GPHN: variants seen among roughly 807,000 people sequenced by gnomAD.
The protein encoded by GPHN is gephyrin.
In GPHN, 17 loss-of-function variants were observed where a neutral mutation model predicts 95.5. The observed-to-expected ratio is 0.18, with a 90% CI of 0.12 to 0.27. The LOEUF (loss-of-function observed/expected upper bound fraction) is 0.27, where lower values mean the gene tolerates loss of function less well. GPHN is among the 10% of genes least tolerant of loss of function. The pLI is 1.00. For missense variants in GPHN, 660 were observed against 978.1 expected (o/e 0.67, Z 4.34); for synonymous variants, 320 against 322.5 (o/e 0.99, Z 0.08).
intron 19 of GPHN, among the ~76,000 whole-genome samples, chr14:67,161,533 G>T (rs2081981495): frequency 6.6e-6 from 1 of 152,020 alleles, no homozygotes; most frequent in African/African-American, 2.4e-5. Flanking sequence ...AGGCCGTGGG[G>T]GTGGTTCGCT....
chr14:67,728,418 A>G, the GPHN span, among the ~76,000 whole-genome samples: 1 of 152,186 alleles, frequency 6.6e-6, no homozygotes, highest in Non-Finnish European at 1.5e-5. Flanking sequence ...TGCCCAAGGA[A>G]GGTTCCTAGC....
the GPHN span, among the ~76,000 whole-genome samples, chr14:67,243,668 T>G: frequency 5.6e-3 from 817 of 146,466 alleles, 8 homozygotes; most frequent in African/African-American, 0.018. Context: ...ATTTTTTGTA[T>G]TTTTTTTTTA....
chr14:67,098,340 G>A (rs963003181), intron 12 of GPHN, among the ~76,000 whole-genome samples: 1 of 152,100 alleles, frequency 6.6e-6, no homozygotes, highest in African/African-American at 2.4e-5. Flanking sequence ...AGCTTCAAAG[G>A]TATTGTTTTA....
the GPHN span, among the ~76,000 whole-genome samples, chr14:67,245,950 T>C: frequency 6.6e-6 from 1 of 152,054 alleles, no homozygotes; most frequent in South Asian, 2.1e-4. Flanking sequence ...ATGAGAGAAG[T>C]ACAAGTTGTT....
At chr14:67,576,307 C>T in the GPHN span, 3 of 720,584 alleles carry the variant, frequency 4.2e-6, no homozygotes, top group Non-Finnish European at 7.1e-6. This position sits in a 1 kb window ranked among gnomAD's most constrained non-coding sequence, Gnocchi z 4.0. Flanking sequence ...CCCACATGGG[C>T]TTGGTCCCTT....
Position 67,132,967 on chromosome 14 carries a change from T to G in GPHN, c.1749-10395T>G, listed in dbSNP as rs2079817618. ...CATTTTTCTAACTTTTTTTCACTGA[T>G]GAGTTTTCTGCACTAGCTTATAAAC... On this transcript the variant is annotated intron_variant, in intron 17 of 22. Transcript: ENST00000478722. 2.0e-5 allele frequency among the ~76,000 whole-genome samples: 3 copies of G among 152,184 alleles called. 1 individual carries two copies. In the South Asian group the frequency reaches 6.2e-4, roughly 32 times the overall value.
intron 2 of GPHN, among the ~76,000 whole-genome samples, chr14:66,707,509 T>C (rs2153419901): frequency 6.6e-6 from 1 of 152,280 alleles, no homozygotes; most frequent in Non-Finnish European, 1.5e-5. Context: ...ATCATGTCCT[T>C]TGAAGGGACA....
chr14:66,623,461 T>C (rs568887878), intron 1 of GPHN, among the ~76,000 whole-genome samples: 1 of 152,030 alleles, frequency 6.6e-6, no homozygotes, highest in East Asian at 1.9e-4. Flanking sequence ...CTACTAAAAA[T>C]ACAAAAATTG....
chr14:66,654,970 C>A (rs1032438692), intron 1 of GPHN, among the ~76,000 whole-genome samples: 2 of 152,122 alleles, frequency 1.3e-5, no homozygotes, highest in African/African-American at 2.4e-5. Context: ...TTCTGTTTCA[C>A]TGATTTATAT....
intron 4 of GPHN, among the ~76,000 whole-genome samples, chr14:66,877,272 C>T (rs2063712232): frequency 6.6e-6 from 1 of 152,132 alleles, no homozygotes; most frequent in Non-Finnish European, 1.5e-5. Flanking sequence ...AAGCCCACAG[C>T]CAATATCATA....
the GPHN span, chr14:67,270,175 C>T: frequency 6.6e-6 from 1 of 152,132 alleles, no homozygotes; most frequent in Non-Finnish European, 1.5e-5. Flanking sequence ...CTATTTCAGT[C>T]CCTCCAGTCT....
the GPHN span, among the ~76,000 whole-genome samples, chr14:67,221,203 C>T: frequency 6.6e-6 from 1 of 152,132 alleles, no homozygotes; most frequent in South Asian, 2.1e-4. Flanking sequence ...TTCTTTTATC[C>T]AACAACCATA....
chr14:67,356,096 A>G, the GPHN span, among the ~76,000 whole-genome samples: 107 of 152,268 alleles, frequency 7.0e-4, no homozygotes, highest in African/African-American at 2.3e-3. Flanking sequence ...ATAATTTCAT[A>G]TGACTGGTGT....
At chr14:67,054,416 G>A (rs907014694) in intron 10 of GPHN, among the ~76,000 whole-genome samples, 1 of 152,142 alleles carries the variant, frequency 6.6e-6, no homozygotes, top group Non-Finnish European at 1.5e-5. Context: ...CCTCTTCAAG[G>A]AGAACTACAA....
At chr14:66,606,726 A>G (rs1248741558) in intron 1 of GPHN, among the ~76,000 whole-genome samples, 3 of 151,690 alleles carry the variant, frequency 2.0e-5, no homozygotes, top group Non-Finnish European at 4.4e-5. Context: ...TTGCTATTGG[A>G]AATTGGTGTG....
rs1204290696 is a variant in GPHN, at chr14:66,778,754, T to TTG, written c.201+2233_201+2234insTG. On this transcript the variant is annotated intron_variant, in intron 3 of 22. Coordinates refer to ENST00000478722, the MANE Select transcript of GPHN (RefSeq NM_020806.5). ...TTTTTTTTTTTTTTTTTTTTTTTTT[T>TTG]GAGACAGTCTCGCTCTGTCACCCAG... Among the ~76,000 whole-genome samples the TTG allele has an allele frequency of 1.9e-3, 251 of 132,016 alleles. 6 individuals are homozygous for TTG. Among genetic ancestry groups the TTG allele is most frequent in the African/African-American group, 7.4e-3 (239 of 32,502 alleles). 86.6% of individuals were successfully genotyped at this position (132,016 alleles called of 152,430 possible).
the GPHN span, among the ~76,000 whole-genome samples, chr14:67,475,961 G>A: frequency 6.6e-6 from 1 of 152,250 alleles, no homozygotes; most frequent in East Asian, 1.9e-4. Flanking sequence ...CTTGACGCAG[G>A]CCCGTCCTGG....
At chr14:67,635,929 T>G in the GPHN span, among the ~76,000 whole-genome samples, 1 of 152,178 alleles carries the variant, frequency 6.6e-6, no homozygotes, top group African/African-American at 2.4e-5. Context: ...TGTAAAATAT[T>G]TGAGTCTGTA....
chr14:66,511,401 TCTC>T (rs1342152955), intron 1 of GPHN, among the ~76,000 whole-genome samples: 4 of 152,032 alleles, frequency 2.6e-5, no homozygotes, highest in African/African-American at 9.7e-5. Flanking sequence ...TTTTAGAAAA[TCTC>T]CTTGGCATGC....
Sources: gnomAD v4.1 joint callset for allele counts (sites outside exome capture counted in the v4.1 genomes callset) on GRCh38, gnomAD v4.1.1 for gene constraint, Gnocchi (gnomAD v3.1) non-coding constraint, MANE v1.5 for transcripts, NCBI Gene and HGNC (gene_info 2026-07-23, HGNC 2026-07-21) for gene names.